CDK17: variants seen among roughly 807,000 people sequenced by gnomAD.
CDK17 encodes the protein cyclin dependent kinase 17.
A neutral mutation model predicts 77.6 loss-of-function variants in CDK17; 24 were observed. The observed-to-expected ratio is 0.31, with a 90% CI of 0.22 to 0.44. The LOEUF (loss-of-function observed/expected upper bound fraction) is 0.44. Ranked by LOEUF, CDK17 falls within the 20% of genes least tolerant of loss-of-function variation. CDK17 has a pLI of 1.00. For missense variants in CDK17, 429 were observed against 622.5 expected (o/e 0.69, Z 3.31); for synonymous variants, 203 against 210.4 (o/e 0.96, Z 0.30).
intron 10 of CDK17, among the ~76,000 whole-genome samples, chr12:96,291,262 A>G (rs1161381305): frequency 2.0e-5 from 3 of 152,160 alleles, no homozygotes; most frequent in African/African-American, 7.2e-5. Flanking sequence ...TAAAGCACTC[A>G]GAGTATTCCC....
intron 1 of CDK17, among the ~76,000 whole-genome samples, chr12:96,369,866 G>A (rs1399711877): frequency 6.6e-6 from 1 of 152,162 alleles, no homozygotes; most frequent in African/African-American, 2.4e-5. Context: ...GGATCACGAG[G>A]TCAGGAGTTC....
intron 10 of CDK17, among the ~76,000 whole-genome samples, chr12:96,294,084 A>C (rs1328458887): frequency 2.6e-5 from 4 of 152,224 alleles, no homozygotes; most frequent in Non-Finnish European, 5.9e-5. Flanking sequence ...TTCAATGTGC[A>C]CTCAAATAAT....
At chr12:96,347,915 T>C (rs1258189680) in intron 1 of CDK17, among the ~76,000 whole-genome samples, 1 of 152,150 alleles carries the variant, frequency 6.6e-6, no homozygotes, top group Non-Finnish European at 1.5e-5. Flanking sequence ...AATTTGTGCA[T>C]ATGTGGAAAT....
chr12:96,388,925 C>T (rs964640092), intron 1 of CDK17, among the ~76,000 whole-genome samples: 7 of 152,010 alleles, frequency 4.6e-5, no homozygotes, highest in African/African-American at 7.3e-5. Flanking sequence ...TTAAAACAAC[C>T]GATCTCACAT....
At chr12:96,323,899 A>C (rs1952857709) in intron 3 of CDK17, 49 bp downstream of exon 3, 4 of 1,363,572 alleles carry the variant, frequency 2.9e-6, no homozygotes, top group Non-Finnish European at 4.0e-6. Flanking sequence ...AACTATGTGC[A>C]TGACGTATAA....
chr12:96,305,968 T>C (rs2137095681), intron 5 of CDK17, among the ~76,000 whole-genome samples: 1 of 152,306 alleles, frequency 6.6e-6, no homozygotes, highest in South Asian at 2.1e-4. Flanking sequence ...GCAAACCTCC[T>C]GCCTCAGCCT....
chr12:96,346,825 G>C (rs574188640), intron 1 of CDK17, among the ~76,000 whole-genome samples: 1 of 149,124 alleles, frequency 6.7e-6, no homozygotes, highest in South Asian at 2.1e-4. Flanking sequence ...TGAAGCAGAA[G>C]AATCACTTGA....
rs934219343 is a variant in CDK17, at chr12:96,287,563, A to G, written c.1119-802T>C. 2.0e-5 allele frequency among the ~76,000 whole-genome samples: 3 copies of G among 152,142 alleles called. No individual in the cohort carries two copies. In the East Asian group the frequency reaches 5.8e-4, roughly 29 times the overall value. ...CAATTCTACTCCTAGGTATATATCT[A>G]AAAGAACTGAAATCAGGCCAATGCA... On this transcript the variant is annotated intron_variant, in intron 11 of 16. Coordinates refer to ENST00000261211, the MANE Select transcript of CDK17 (RefSeq NM_002595.5).
At chr12:96,331,736 C>T (rs1952971369) in intron 2 of CDK17, among the ~76,000 whole-genome samples, 1 of 151,954 alleles carries the variant, frequency 6.6e-6, no homozygotes. Flanking sequence ...GCATCATACC[C>T]ATAATTTCTC....
chr12:96,352,600 G>C (rs144943064), intron 1 of CDK17, among the ~76,000 whole-genome samples: 2 of 152,166 alleles, frequency 1.3e-5, no homozygotes, highest in Non-Finnish European at 2.9e-5. Flanking sequence ...TCTGATACCA[G>C]TGGTAAACTA....
At chr12:96,389,820 G>T (rs1296499018) in intron 1 of CDK17, among the ~76,000 whole-genome samples, 2 of 120,258 alleles carry the variant, frequency 1.7e-5, no homozygotes, top group East Asian at 2.6e-4. Flanking sequence ...GGGTTTTTTT[G>T]TTTGTTTGTT....
At chr12:96,380,438 A>C (rs1043898960) in intron 1 of CDK17, among the ~76,000 whole-genome samples, 4 of 151,600 alleles carry the variant, frequency 2.6e-5, no homozygotes, top group African/African-American at 9.7e-5. Context: ...CCAAGCATCC[A>C]CCACCACGCC....
At chr12:96,348,544 A>G (rs1161174353) in intron 1 of CDK17, among the ~76,000 whole-genome samples, 13 of 147,140 alleles carry the variant, frequency 8.8e-5, no homozygotes, top group African/African-American at 3.2e-4. Flanking sequence ...AAAAAAAAAC[A>G]AAAAAGAAAA....
At chr12:96,389,818 T>C (rs1422047674) in intron 1 of CDK17, among the ~76,000 whole-genome samples, 1 of 123,450 alleles carries the variant, frequency 8.1e-6, no homozygotes, top group African/African-American at 3.3e-5. Context: ...GAGGGTTTTT[T>C]TGTTTGTTTG....
intron 1 of CDK17, among the ~76,000 whole-genome samples, chr12:96,396,636 G>C (rs901087464): frequency 6.6e-6 from 1 of 152,054 alleles, no homozygotes; most frequent in Admixed American, 6.6e-5. Flanking sequence ...AAATTCAAAA[G>C]AACCTAAAAC....
chr12:96,289,135 T>G (rs1354607196), intron 11 of CDK17, 32 bp downstream of exon 11: 1 of 1,609,914 alleles, frequency 6.2e-7, no homozygotes, highest in Non-Finnish European at 8.5e-7. Flanking sequence ...CTTTCAAAAT[T>G]ATAAATGTCA....
At chr12:96,349,986 T>C (rs1345813580) in intron 1 of CDK17, among the ~76,000 whole-genome samples, 2 of 152,136 alleles carry the variant, frequency 1.3e-5, no homozygotes, top group Non-Finnish European at 2.9e-5. Context: ...CAATGAACTA[T>C]ATGAAAGGGA....
chr12:96,285,998 A>G (rs750568424), intron 13 of CDK17, 45 bp downstream of exon 13: 1 of 940,000 alleles, frequency 1.1e-6, no homozygotes, highest in Non-Finnish European at 1.7e-6. Flanking sequence ...AAAGATTGAA[A>G]AGAATCATGT....
chr12:96,297,492 C>A (rs770715409), intron 8 of CDK17, 135 bp downstream of exon 8: 43 of 763,964 alleles, frequency 5.6e-5, no homozygotes, highest in South Asian at 8.4e-5. Flanking sequence ...ATAATAAAGT[C>A]TCTTGGGCTG....
Sources: gnomAD v4.1 joint callset for allele counts (sites outside exome capture counted in the v4.1 genomes callset) on GRCh38, gnomAD v4.1.1 for gene constraint, MANE v1.5 for transcripts, NCBI Gene and HGNC (gene_info 2026-07-23, HGNC 2026-07-21) for gene names.